The following SRC variants were observed in gnomAD, a reference collection of about 807,000 sequenced individuals.
SRC encodes proto-oncogene tyrosine-protein kinase Src.
A neutral mutation model predicts 62.9 loss-of-function variants in SRC; 13 were observed. The ratio of observed to expected loss-of-function variants is 0.21; its 90% CI spans 0.13 to 0.33. The LOEUF is 0.33. Among genes scored for constraint, SRC ranks in the 10% least tolerant of loss-of-function variants. The pLI, the probability that SRC is intolerant of heterozygous loss-of-function variation, is 1.00. For synonymous variants in SRC, 302 were observed against 317.5 expected, an observed-to-expected ratio of 0.95 and a Z score of 0.52; for missense variants, 457 against 737.3, an observed-to-expected ratio of 0.62 and a Z score of 4.40.
At chr20:37,361,276 G>A (rs1373815927) in intron 1 of SRC, among the ~76,000 whole-genome samples, 5 of 152,138 alleles carry the variant, frequency 3.3e-5, no homozygotes, top group Non-Finnish European at 5.9e-5. Flanking sequence ...CTGGAGTGTC[G>A]ATCGTTTTTA....
chr20:37,356,941 G>T (rs894505135), intron 1 of SRC, among the ~76,000 whole-genome samples: 2 of 152,124 alleles, frequency 1.3e-5, no homozygotes, highest in East Asian at 1.9e-4. Context: ...CAAAAATGGG[G>T]GTCACACTAG....
In SRC at chr20:37,403,031, C is replaced by A; in HGVS notation, c.1403-140C>A. 1 of 1,321,142 alleles carries A rather than the reference C, an allele frequency of 7.6e-7. No individual in the cohort carries two copies. The highest frequency in any genetic ancestry group is 1.0e-6 in the Non-Finnish European group (1 of 986,614). The allele number at this position is 1,321,142 out of a possible 1,614,324, so 81.8% of individuals were successfully genotyped here. ...TTAGGCTCTCTCGATGGTCCATGCTCTCAGCTTCGGGGACAGGACTTATCT... is the reference window on the plus strand; with the variant it reads ...TTAGGCTCTCTCGATGGTCCATGCTATCAGCTTCGGGGACAGGACTTATCT... On this transcript the variant is annotated intron_variant, in intron 13 of 13. Coordinates refer to ENST00000373578, the MANE Select transcript of SRC (RefSeq NM_198291.3). The surrounding 1 kb of genome is among the most constrained non-coding windows in gnomAD (Gnocchi z 7.1).
rs1281597781 is a variant in SRC, at chr20:37,384,918, G to A, written c.250+515G>A. On this transcript the variant is annotated intron_variant, in intron 4 of 13. Coordinates refer to ENST00000373578, the MANE Select transcript of SRC (RefSeq NM_198291.3). This position sits in a 1 kb window ranked among gnomAD's most constrained non-coding sequence, Gnocchi z 6.7. ...GAGGGCCGTTTTGGAGAGCCGCGGC[G>A]GTGCCCCAGACACTCCACGCAGACT... Among the ~76,000 whole-genome samples the A allele has an allele frequency of 1.3e-5, 2 of 152,144 alleles. No homozygotes were observed. Among genetic ancestry groups the A allele is most frequent in the Admixed American group, 6.5e-5 (1 of 15,286 alleles).
Position 37,403,421 on chromosome 20 carries a change from G to A in SRC, c.*42G>A. ...ACCGGCTTCTCGGCTTGGATCCTGG[G>A]CTGGGTGGCCCCTGTCTCGGGGCTT... On this transcript the variant is annotated 3_prime_UTR_variant, in exon 14 of 14. Coordinates refer to ENST00000373578, the MANE Select transcript of SRC (RefSeq NM_198291.3). The surrounding 1 kb of genome is among the most constrained non-coding windows in gnomAD (Gnocchi z 7.1). 6.5e-7 allele frequency: 1 copy of A among 1,528,460 alleles called. No homozygotes were observed. The highest frequency in any genetic ancestry group is 2.4e-5 in the East Asian group (1 of 41,106). 94.7% of individuals were successfully genotyped at this position (1,528,460 alleles called of 1,614,324 possible).
intron 9 of SRC, among the ~76,000 whole-genome samples, chr20:37,399,250 G>A (rs1242880228): frequency 2.6e-5 from 4 of 152,200 alleles, no homozygotes; most frequent in Admixed American, 2.6e-4. Flanking sequence ...CCGCTGGCAG[G>A]AGGCGGAGGT....
At chr20:37,370,250 T>C (rs1273740470) in intron 2 of SRC, among the ~76,000 whole-genome samples, 1 of 152,254 alleles carries the variant, frequency 6.6e-6, no homozygotes, top group African/African-American at 2.4e-5. Context: ...TATATTGGTA[T>C]AGTGTATCAC....
At chr20:37,370,851 A>T (rs8126089) in intron 2 of SRC, among the ~76,000 whole-genome samples, 35,183 of 152,026 alleles carry the variant, frequency 0.23, 5,276 homozygotes, top group African/African-American at 0.43. Context: ...CTTCTTTAAA[A>T]ATTTGGTAGA....
At chr20:37,373,347 T>G (rs187436272) in intron 2 of SRC, among the ~76,000 whole-genome samples, 1 of 151,522 alleles carries the variant, frequency 6.6e-6, no homozygotes, top group Admixed American at 6.6e-5. Context: ...TACACACACA[T>G]ATGTACATAT....
chr20:37,396,458 C>T lies in SRC; in HGVS notation c.703+147C>T, dbSNP rs1489995966. ...CCTCCCCCCTCCCTTCCTCTCTCCT[C>T]CCTTTTCCCTCCTTTCCTTGTCTCC... On this transcript the variant is annotated intron_variant, in intron 8 of 13. Transcript: ENST00000373578. The surrounding 1 kb of genome is among the most constrained non-coding windows in gnomAD (Gnocchi z 6.1). 1.1e-6 allele frequency: 1 copy of T among 928,228 alleles called. No individual in the cohort carries two copies. Among genetic ancestry groups the T allele is most frequent in the Non-Finnish European group, 1.6e-6 (1 of 630,276 alleles). The allele number at this position is 928,228 out of a possible 1,614,324, so 57.5% of individuals were successfully genotyped here. A position where few individuals can be genotyped will look rare whatever the true frequency, so the allele number is the denominator to read the frequency against.
chr20:37,398,386 A>G lies in SRC; in HGVS notation c.859+532A>G, dbSNP rs2070689565. ...CTGACAAAACCCAGGCCCCTCTTCC[A>G]CCGGATGCTTTCTGCTCACACGGAG... On this transcript the variant is annotated intron_variant, in intron 9 of 13. Coordinates refer to ENST00000373578, the MANE Select transcript of SRC (RefSeq NM_198291.3). This position sits in a 1 kb window ranked among gnomAD's most constrained non-coding sequence, Gnocchi z 5.2. Among the ~76,000 whole-genome samples the G allele has an allele frequency of 6.6e-6, 1 of 152,220 alleles. No individual in the cohort carries two copies. The highest frequency in any genetic ancestry group is 1.5e-5 in the Non-Finnish European group (1 of 68,044).
intron 1 of SRC, among the ~76,000 whole-genome samples, chr20:37,354,780 G>A (rs928582170): frequency 5.3e-5 from 8 of 152,208 alleles, no homozygotes; most frequent in African/African-American, 1.7e-4. Context: ...CCACATCACT[G>A]CGTCTGCCTG....
chr20:37,373,867 A>G (rs1030952983), intron 2 of SRC, among the ~76,000 whole-genome samples: 2 of 152,160 alleles, frequency 1.3e-5, no homozygotes, highest in Non-Finnish European at 2.9e-5. Context: ...TGATGTGCCA[A>G]TAGCACACAG....
intron 1 of SRC, among the ~76,000 whole-genome samples, chr20:37,361,454 G>A (rs567378322): frequency 6.6e-6 from 1 of 152,294 alleles, no homozygotes; most frequent in Non-Finnish European, 1.5e-5. Context: ...GGTGGGTTTG[G>A]GGCTCAGGCT....
chr20:37,365,924 T>C (rs561605104), intron 2 of SRC, among the ~76,000 whole-genome samples: 7 of 152,204 alleles, frequency 4.6e-5, no homozygotes, highest in African/African-American at 1.7e-4. Context: ...GCACACACTC[T>C]ACCCTGTCCA....
chr20:37,368,518 C>CTTTTTTTTTTTTTTTTGTTTT (rs2070103350), intron 2 of SRC, among the ~76,000 whole-genome samples: 1 of 73,898 alleles, frequency 1.4e-5, no homozygotes, highest in Non-Finnish European at 2.7e-5. Context: ...CCTATATTTT[C>CTTTTTTTTTTTTTTTTGTTTT]TTTTTTTTTT....
intron 2 of SRC, among the ~76,000 whole-genome samples, chr20:37,381,039 A>C (rs2147034718): frequency 6.6e-6 from 1 of 152,126 alleles, no homozygotes; most frequent in South Asian, 2.1e-4. Context: ...AGAGAGGAAA[A>C]CTGAGGCGAA....
rs1193313817 is a variant in SRC at position 37,398,950 on chromosome 20, A to T, written c.859+1096A>T. ...GGACGGAGGCCCAGCGACTGGGAGG[A>T]ACGGGCCCAAGGTCACACATCAAAG... On this transcript the variant is annotated intron_variant, in intron 9 of 13. Coordinates refer to ENST00000373578, the MANE Select transcript of SRC (RefSeq NM_198291.3). The surrounding 1 kb of genome is among the most constrained non-coding windows in gnomAD (Gnocchi z 5.2). Among the ~76,000 whole-genome samples the T allele has an allele frequency of 6.6e-6, 1 of 152,184 alleles. No individual in the cohort carries two copies. The highest frequency in any genetic ancestry group is 6.5e-5 in the Admixed American group (1 of 15,284).
intron 7 of SRC, among the ~76,000 whole-genome samples, chr20:37,395,756 C>T (rs2070634920): frequency 6.6e-6 from 1 of 152,238 alleles, no homozygotes; most frequent in Admixed American, 6.5e-5. Context: ...CTCACAGGCT[C>T]CCAGCAGTTA....
In SRC at chr20:37,393,149, C is replaced by A. The variant is rs115244395; in HGVS notation, c.351-746C>A. Among the ~76,000 whole-genome samples, 431 of 152,354 alleles carry A rather than the reference C, an allele frequency of 2.8e-3. 1 individual carries two copies. Among genetic ancestry groups the A allele is most frequent in the African/African-American group, 0.01 (417 of 41,582 alleles). On this transcript the variant is annotated intron_variant, in intron 5 of 13. Coordinates refer to ENST00000373578, the MANE Select transcript of SRC (RefSeq NM_198291.3). Reference sequence around the variant, plus strand: ...CATAGAAGTGCCCTGGGCATTGGGGCTCTGCCACCTCACCCCCTCTGACAG... The same window carrying A: ...CATAGAAGTGCCCTGGGCATTGGGGATCTGCCACCTCACCCCCTCTGACAG...
Sources: gnomAD v4.1 joint callset for allele counts (sites outside exome capture counted in the v4.1 genomes callset) on GRCh38, gnomAD v4.1.1 for gene constraint, Gnocchi (gnomAD v3.1) non-coding constraint, MANE v1.5 for transcripts, NCBI Gene and HGNC (gene_info 2026-07-23, HGNC 2026-07-21) for gene names.